FHIT: variants seen among roughly 807,000 people sequenced by gnomAD.
FHIT encodes bis(5'-adenosyl)-triphosphatase.
A neutral mutation model predicts 17.9 loss-of-function variants in FHIT; 19 were observed. That is an observed-to-expected ratio of 1.06 (90% CI 0.74 to 1.56). The LOEUF (loss-of-function observed/expected upper bound fraction) is 1.56. Among genes scored for constraint, FHIT ranks in the 40% most tolerant of loss-of-function variants. The probability of loss-of-function intolerance (pLI) is 0.00; values close to 1 mark genes in which losing one functional copy is unlikely to be tolerated. For synonymous variants in FHIT, 81 were observed against 69.7 expected, an observed-to-expected ratio of 1.16 and a Z score of -0.81; for missense variants, 248 against 189.2, an observed-to-expected ratio of 1.31 and a Z score of -1.82.
At chr3:60,002,083 T>A (rs1220652669) in intron 7 of FHIT, among the ~76,000 whole-genome samples, 1 of 152,182 alleles carries the variant, frequency 6.6e-6, no homozygotes, top group Non-Finnish European at 1.5e-5. Context: ...GTTAACTCAA[T>A]GTTGTTTATT....
chr3:59,999,061 T>C (rs1699626794), intron 7 of FHIT, among the ~76,000 whole-genome samples: 1 of 152,136 alleles, frequency 6.6e-6, no homozygotes, highest in Non-Finnish European at 1.5e-5. Flanking sequence ...TTTATGATTT[T>C]ATTGGATCTT....
intron 8 of FHIT, among the ~76,000 whole-genome samples, chr3:59,889,641 A>G (rs2107003110): frequency 6.6e-6 from 1 of 152,344 alleles, no homozygotes; most frequent in East Asian, 1.9e-4. Context: ...CGTGGTTGGA[A>G]TGCTTCAAAA....
chr3:60,086,197 G>A (rs934080385), intron 5 of FHIT, among the ~76,000 whole-genome samples: 1 of 152,084 alleles, frequency 6.6e-6, no homozygotes, highest in Non-Finnish European at 1.5e-5. Context: ...ATCTCTTCTG[G>A]AAACTAATAG....
At chr3:60,797,920 T>G (rs77343469) in intron 4 of FHIT, among the ~76,000 whole-genome samples, 9,312 of 152,050 alleles carry the variant, frequency 0.061, 345 homozygotes, top group Non-Finnish European at 0.07. Flanking sequence ...ACATTAAAAA[T>G]TAATTTTAAT....
chr3:59,910,510 T>G (rs1375832335), intron 8 of FHIT, among the ~76,000 whole-genome samples: 1 of 152,152 alleles, frequency 6.6e-6, no homozygotes, highest in Non-Finnish European at 1.5e-5. Flanking sequence ...GGAGGAAGCA[T>G]TTTAGAAGAA....
intron 3 of FHIT, among the ~76,000 whole-genome samples, chr3:60,968,036 T>C (rs1164137331): frequency 6.6e-6 from 1 of 152,248 alleles, no homozygotes; most frequent in African/African-American, 2.4e-5. Context: ...GTGAACATCG[T>C]ATTGGTAAAC....
chr3:60,202,714 A>T (rs1559723743), intron 5 of FHIT, among the ~76,000 whole-genome samples: 1 of 152,180 alleles, frequency 6.6e-6, no homozygotes. Context: ...GCCTAAAAGT[A>T]CTGAGCTCTG....
intron 5 of FHIT, among the ~76,000 whole-genome samples, chr3:60,203,134 C>A (rs1702991583): frequency 6.6e-6 from 1 of 152,098 alleles, no homozygotes; most frequent in East Asian, 1.9e-4. Flanking sequence ...ATAGTTACTA[C>A]AGTTAAGCAA....
intron 5 of FHIT, among the ~76,000 whole-genome samples, chr3:60,456,855 T>C (rs1431925518): frequency 6.6e-6 from 1 of 152,052 alleles, no homozygotes; most frequent in African/African-American, 2.4e-5. Context: ...ATAAAATACC[T>C]AGGAATCCAA....
intron 7 of FHIT, among the ~76,000 whole-genome samples, chr3:59,939,660 G>A (rs1214032052): frequency 6.6e-6 from 1 of 152,190 alleles, no homozygotes; most frequent in Non-Finnish European, 1.5e-5. Flanking sequence ...GGACACTGCT[G>A]AGCCCTGGCT....
chr3:60,286,506 T>C (rs1707736998), intron 5 of FHIT, among the ~76,000 whole-genome samples: 1 of 152,204 alleles, frequency 6.6e-6, no homozygotes. Flanking sequence ...ATTAGTGCTA[T>C]CAGTTAAGTA....
chr3:60,648,699 C>A (rs1035800525), intron 4 of FHIT, among the ~76,000 whole-genome samples: 2 of 152,176 alleles, frequency 1.3e-5, no homozygotes, highest in Non-Finnish European at 2.9e-5. Flanking sequence ...GCAAAACTCT[C>A]CAGAGCTAAG....
At chr3:60,932,711 G>T (rs1329479920) in intron 3 of FHIT, among the ~76,000 whole-genome samples, 1 of 151,842 alleles carries the variant, frequency 6.6e-6, no homozygotes, top group African/African-American at 2.4e-5. Context: ...ATCTTTTTTG[G>T]TTCCCTTAAA....
chr3:60,087,962 A>G (rs778300755), intron 5 of FHIT, among the ~76,000 whole-genome samples: 13 of 152,176 alleles, frequency 8.5e-5, no homozygotes, highest in Non-Finnish European at 1.8e-4. Flanking sequence ...TAATTTATAA[A>G]TAAAAGGATT....
intron 5 of FHIT, among the ~76,000 whole-genome samples, chr3:60,157,376 G>C (rs1700748178): frequency 1.3e-5 from 2 of 152,172 alleles, no homozygotes; most frequent in Admixed American, 6.5e-5. Flanking sequence ...TCACCTTTGT[G>C]AAGTCACAAT....
At chr3:60,317,617 ATGTG>A (rs71950103) in intron 5 of FHIT, among the ~76,000 whole-genome samples, 13 of 141,024 alleles carry the variant, frequency 9.2e-5, no homozygotes, top group East Asian at 2.1e-4. Flanking sequence ...GTAATTATAT[ATGTG>A]TGTGTGTGTG....
At chr3:60,723,629 G>A (rs1225914889) in intron 4 of FHIT, among the ~76,000 whole-genome samples, 2 of 152,178 alleles carry the variant, frequency 1.3e-5, no homozygotes, top group African/African-American at 4.8e-5. Context: ...GAGGACTCTT[G>A]GACGCTTACT....
chr3:61,121,743 A>G (rs1464576949), intron 2 of FHIT, among the ~76,000 whole-genome samples: 1 of 152,232 alleles, frequency 6.6e-6, no homozygotes, highest in Non-Finnish European at 1.5e-5. Context: ...ACACAACAAT[A>G]TTAAACTTAA....
At chr3:60,624,822 A>C in intron 4 of FHIT, among the ~76,000 whole-genome samples, 1 of 152,072 alleles carries the variant, frequency 6.6e-6, no homozygotes, top group East Asian at 1.9e-4. Context: ...TTTTTTTACA[A>C]GATGATATTG....
Sources: allele counts gnomAD v4.1 joint callset (sites outside exome capture counted in the v4.1 genomes callset), GRCh38; gene constraint gnomAD v4.1.1; transcripts MANE v1.5; gene names NCBI Gene and HGNC (gene_info 2026-07-23, HGNC 2026-07-21).